TASOR2: variants seen among roughly 807,000 people sequenced by gnomAD.
TASOR2 encodes the protein protein TASOR 2.
In TASOR2, 84 loss-of-function variants were observed where a neutral mutation model predicts 199.5. The ratio of observed to expected loss-of-function variants is 0.42; its 90% CI spans 0.35 to 0.50. TASOR2 has a LOEUF of 0.50. Ranked by LOEUF, TASOR2 falls within the 20% of genes least tolerant of loss-of-function variation. The probability of loss-of-function intolerance (pLI) is 0.02; values close to 1 mark genes in which losing one functional copy is unlikely to be tolerated. For synonymous variants in TASOR2, 1,103 were observed against 1,046.6 expected, an observed-to-expected ratio of 1.05 and a Z score of -1.04; for missense variants, 2,796 against 2,835.9, an observed-to-expected ratio of 0.99 and a Z score of 0.32.
At chr10:5,696,857 A>G (rs757601589) in intron 1 of TASOR2, among the ~76,000 whole-genome samples, 3 of 152,084 alleles carry the variant, frequency 2.0e-5, no homozygotes, top group Non-Finnish European at 2.9e-5. Context: ...TCTGTGAAAG[A>G]TGAAAAAGTT....
At chr10:5,755,219 T>G (rs551795523) in intron 15 of TASOR2, among the ~76,000 whole-genome samples, 13 of 152,268 alleles carry the variant, frequency 8.5e-5, no homozygotes, top group African/African-American at 2.9e-4. Context: ...TCATAAGAAT[T>G]TTTTTGAAAA....
At chr10:5,735,481 A>G in exon 12 of TASOR2, 1 of 1,614,204 alleles carries the variant, frequency 6.2e-7, no homozygotes, top group African/African-American at 1.3e-5. Context: ...AAATCTCCAC[A>G]AAAACAGAGA....
chr10:5,746,337 T>C (rs767514889), exon 15 of TASOR2: 6 of 1,614,154 alleles, frequency 3.7e-6, no homozygotes, highest in Middle Eastern at 1.6e-4. Flanking sequence ...GTGGCACTGT[T>C]ACTCAAGCCA....
intron 2 of TASOR2, among the ~76,000 whole-genome samples, chr10:5,716,901 TATATAA>T (rs1187132325): frequency 6.7e-6 from 1 of 148,708 alleles, no homozygotes; most frequent in East Asian, 1.9e-4. Flanking sequence ...AATATAAATG[TATATAA>T]ATATAAATAT....
chr10:5,759,886 A>G (rs1236783657), intron 18 of TASOR2, among the ~76,000 whole-genome samples: 1 of 152,258 alleles, frequency 6.6e-6, no homozygotes, highest in Non-Finnish European at 1.5e-5. Flanking sequence ...ATGACCATTC[A>G]CAGCGGACTT....
chr10:5,759,572 C>T (rs1839466418), intron 18 of TASOR2, among the ~76,000 whole-genome samples: 1 of 152,210 alleles, frequency 6.6e-6, no homozygotes, highest in African/African-American at 2.4e-5. Flanking sequence ...GGATTTCAGG[C>T]ACTGTTAGGT....
At chr10:5,708,673 C>CTTCCTTCCT (rs1554756504) in intron 1 of TASOR2, among the ~76,000 whole-genome samples, 1 of 129,374 alleles carries the variant, frequency 7.7e-6, no homozygotes, top group Non-Finnish European at 1.6e-5. Context: ...TCCTTTCTTC[C>CTTCCTTCCT]TTCCTTCCTT....
chr10:5,700,394 G>A (rs1230612539), intron 1 of TASOR2, among the ~76,000 whole-genome samples: 4 of 151,986 alleles, frequency 2.6e-5, no homozygotes, highest in African/African-American at 4.8e-5. Context: ...CAGTAAATAC[G>A]GGAGTGCAGA....
intron 1 of TASOR2, among the ~76,000 whole-genome samples, chr10:5,697,739 A>G (rs533091304): frequency 4.4e-4 from 67 of 152,148 alleles, no homozygotes; most frequent in African/African-American, 1.6e-3. Context: ...CCCTAAAGAA[A>G]CATGACAAGT....
rs535622527 is a variant in TASOR2, at chr10:5,701,608, A to G, written c.-287-11215A>G. 9.9e-5 allele frequency among the ~76,000 whole-genome samples: 15 copies of G among 152,190 alleles called. No individual in the cohort carries two copies. The highest frequency in any genetic ancestry group is 4.1e-4 in the South Asian group (2 of 4,820). Reference sequence around the variant, plus strand: ...GTCCCTGAGCATAGAGTATCTTTCTATTTTTTAATGTCCACTTCAATTTCT... The same window carrying G: ...GTCCCTGAGCATAGAGTATCTTTCTGTTTTTTAATGTCCACTTCAATTTCT... On this transcript the variant is annotated intron_variant, in intron 1 of 20. Transcript: ENST00000328090. The surrounding 1 kb of genome is among the most constrained non-coding windows in gnomAD (Gnocchi z 4.9).
Position 5,761,480 on chromosome 10 carries a change from C to G in TASOR2, c.7174+9C>G. ...TGCTGTCCTCCTAACAGGTAATTCACAGGCGCATTTTACTCAGTTAATGCC... is the reference window on the plus strand; with the variant it reads ...TGCTGTCCTCCTAACAGGTAATTCAGAGGCGCATTTTACTCAGTTAATGCC... On this transcript the variant is annotated intron_variant, in intron 19 of 20. Transcript: ENST00000328090. 3 of 1,607,926 alleles carry G rather than the reference C, an allele frequency of 1.9e-6. No individual in the cohort carries two copies. Among genetic ancestry groups the G allele is most frequent in the Non-Finnish European group, 2.5e-6 (3 of 1,179,310 alleles).
In TASOR2 at chr10:5,727,603, A is replaced by G. The variant is rs140499169; in HGVS notation, c.487+480A>G. 9.2e-5 allele frequency among the ~76,000 whole-genome samples: 14 copies of G among 152,302 alleles called. 1 individual carries two copies. The East Asian group carries it at 2.7e-3, about 29-fold the overall frequency. On this transcript the variant is annotated intron_variant, in intron 10 of 20. Coordinates refer to ENST00000328090, the Ensembl canonical transcript of TASOR2. ...CAGTGCATAAACAGATATGCAGTGT[A>G]TATCTGGTATTAAAATTTTGGAGGT...
At chr10:5,747,705 T>C in exon 15 of TASOR2, 1 of 1,614,136 alleles carries the variant, frequency 6.2e-7, no homozygotes. Flanking sequence ...TAAAACTTCA[T>C]GGTACACAGT....
chr10:5,712,765 T>G, intron 1 of TASOR2, 58 bp from the exon 2 acceptor site: 1 of 960,484 alleles, frequency 1.0e-6, no homozygotes, highest in Non-Finnish European at 1.4e-6. Flanking sequence ...TTTTAAAAAT[T>G]TGCAAGACAA....
intron 2 of TASOR2, 75 bp from the exon 4 acceptor site, chr10:5,717,584 A>C (rs528351131): frequency 1.9e-6 from 1 of 533,302 alleles, no homozygotes; most frequent in East Asian, 3.5e-5. Context: ...TTTCTTTCTA[A>C]TTGGTCTTCT....
chr10:5,711,962 G>A (rs994830974), intron 1 of TASOR2, among the ~76,000 whole-genome samples: 5 of 151,650 alleles, frequency 3.3e-5, no homozygotes, highest in Middle Eastern at 3.4e-3. Context: ...ATGAAAATAT[G>A]TAAAGAGTAA....
In TASOR2 at chr10:5,730,236, T is replaced by G. The variant is rs957255334; in HGVS notation, c.488-251T>G. 6.6e-6 allele frequency among the ~76,000 whole-genome samples: 1 copy of G among 152,226 alleles called. No individual in the cohort carries two copies. The highest frequency in any genetic ancestry group is 2.4e-5 in the African/African-American group (1 of 41,456). ...GAGGCAGGGTTTAGTTTACTTGTTC[T>G]AACCTAGTGATTGCATGTCAGATGA... On this transcript the variant is annotated intron_variant, in intron 10 of 20. Transcript: ENST00000328090. This position sits in a 1 kb window ranked among gnomAD's most constrained non-coding sequence, Gnocchi z 4.1.
intron 1 of TASOR2, among the ~76,000 whole-genome samples, chr10:5,707,168 A>G (rs1838740457): frequency 6.6e-6 from 1 of 152,242 alleles, no homozygotes; most frequent in South Asian, 2.1e-4. Flanking sequence ...CATGCACAGC[A>G]AGCCTTCAGT....
Position 5,746,162 on chromosome 10 carries a change from T to TTC in TASOR2, c.2758-17_2758-16insTC. 6.6e-7 allele frequency: 1 copy of TTC among 1,506,106 alleles called. No homozygotes were observed. The allele number at this position is 1,506,106 out of a possible 1,614,324, so 93.3% of individuals were successfully genotyped here. A position where few individuals can be genotyped will look rare whatever the true frequency, so the allele number is the denominator to read the frequency against. On this transcript the variant is annotated splice_polypyrimidine_tract_variant and intron_variant, in intron 14 of 20. Transcript: ENST00000328090. ...TATATGACTGATTTTTTTTTTTTTTTACTTTGGCCGTTTCAGGTAACTGGG... is the reference window on the plus strand; with the variant it reads ...TATATGACTGATTTTTTTTTTTTTTTTCACTTTGGCCGTTTCAGGTAACTGGG...
Sources: allele counts gnomAD v4.1 joint callset (sites outside exome capture counted in the v4.1 genomes callset), GRCh38; gene constraint gnomAD v4.1.1; non-coding constraint Gnocchi (gnomAD v3.1); transcripts MANE v1.5; gene names NCBI Gene and HGNC (gene_info 2026-07-23, HGNC 2026-07-21).